The following NRG1 variants were observed in gnomAD, a reference collection of about 807,000 sequenced individuals.
NRG1 encodes neuregulin 1.
In NRG1, 18 loss-of-function variants were observed where a neutral mutation model predicts 63.8. That is an observed-to-expected ratio of 0.28 (90% CI 0.19 to 0.42). The LOEUF is 0.42. Ranked by LOEUF, NRG1 falls within the 10% of genes least tolerant of loss-of-function variation. The pLI is 1.00. For synonymous variants in NRG1, 302 were observed against 301.3 expected (o/e 1.00, Z -0.02); for missense variants, 762 against 814.7 (o/e 0.94, Z 0.79).
intron 1 of NRG1, among the ~76,000 whole-genome samples, chr8:32,413,354 G>A (rs907663664): frequency 6.6e-6 from 1 of 152,094 alleles, no homozygotes; most frequent in African/African-American, 2.4e-5. Context: ...AGAGTAAAAG[G>A]CCTGTTACAA....
chr8:31,876,103 A>G (rs1829898724), intron 1 of NRG1, among the ~76,000 whole-genome samples: 2 of 152,228 alleles, frequency 1.3e-5, no homozygotes, highest in Admixed American at 1.3e-4. Flanking sequence ...AAGCATCTAG[A>G]GCTAGGACCA....
intron 1 of NRG1, among the ~76,000 whole-genome samples, chr8:31,878,118 G>A (rs944273102): frequency 1.5e-4 from 23 of 152,118 alleles, no homozygotes; most frequent in East Asian, 7.7e-4. Flanking sequence ...AGTACAAACC[G>A]TCAGTCTGCA....
At chr8:31,867,191 C>T (rs1829036975) in intron 1 of NRG1, among the ~76,000 whole-genome samples, 1 of 152,030 alleles carries the variant, frequency 6.6e-6, no homozygotes, top group African/African-American at 2.4e-5. Flanking sequence ...CTCAGAACTG[C>T]CTGGGGGAAA....
chr8:31,884,415 A>G (rs187329605), intron 1 of NRG1, among the ~76,000 whole-genome samples: 1 of 152,254 alleles, frequency 6.6e-6, no homozygotes, highest in East Asian at 1.9e-4. Flanking sequence ...AGCAGGCCTC[A>G]GAGGGGTCAA....
intron 1 of NRG1, among the ~76,000 whole-genome samples, chr8:31,705,843 A>G (rs1811095344): frequency 6.6e-6 from 1 of 152,246 alleles, no homozygotes; most frequent in African/African-American, 2.4e-5. Context: ...TCCTGCTTAA[A>G]AAAGGAGGTA....
At chr8:31,886,458 A>AATAAGGAAACTATGAAAACAGT (rs1429892923) in intron 1 of NRG1, among the ~76,000 whole-genome samples, 1 of 152,284 alleles carries the variant, frequency 6.6e-6, no homozygotes, top group East Asian at 1.9e-4. Flanking sequence ...TTTTGAGAAA[A>AATAAGGAAACTATGAAAACAGT]ATAAGGAAAC....
At chr8:31,683,661 C>A (rs1488811295) in intron 1 of NRG1, among the ~76,000 whole-genome samples, 1 of 151,916 alleles carries the variant, frequency 6.6e-6, no homozygotes, top group Admixed American at 6.6e-5. Context: ...AATGTACAGC[C>A]CTGAGAGTGA....
At chr8:32,170,696 A>G (rs1280798547) in intron 1 of NRG1, among the ~76,000 whole-genome samples, 1 of 152,214 alleles carries the variant, frequency 6.6e-6, no homozygotes, top group Non-Finnish European at 1.5e-5. Flanking sequence ...ACTTAGGGAT[A>G]GGTTGATGGC....
At chr8:32,738,178 G>A (rs17731972) in intron 6 of NRG1, among the ~76,000 whole-genome samples, 12,018 of 152,104 alleles carry the variant, frequency 0.079, 649 homozygotes, top group Admixed American at 0.095. Flanking sequence ...TAAGTGCAGT[G>A]AAAGAGGTCA....
intron 5 of NRG1, among the ~76,000 whole-genome samples, chr8:32,715,832 TG>T (rs1819071081): frequency 6.6e-6 from 1 of 152,036 alleles, no homozygotes; most frequent in East Asian, 1.9e-4. Context: ...TTAGTAGAGA[TG>T]GGGTTTTGCA....
chr8:32,724,046 G>A (rs193011387), intron 5 of NRG1, among the ~76,000 whole-genome samples: 9 of 152,302 alleles, frequency 5.9e-5, no homozygotes, highest in Non-Finnish European at 1.0e-4. Flanking sequence ...GGCCAAAACC[G>A]TAATTACTTT....
intron 1 of NRG1, among the ~76,000 whole-genome samples, chr8:31,803,025 T>C (rs1374472259): frequency 1.3e-5 from 2 of 152,186 alleles, no homozygotes; most frequent in African/African-American, 4.8e-5. Flanking sequence ...CTGGTATTGC[T>C]CACATATCAC....
intron 1 of NRG1, among the ~76,000 whole-genome samples, chr8:31,945,028 A>G (rs1405183036): frequency 6.6e-6 from 1 of 152,168 alleles, no homozygotes; most frequent in Non-Finnish European, 1.5e-5. Flanking sequence ...TTTTCCAGGA[A>G]TGATTTACAT....
chr8:31,667,036 C>T (rs754229530), intron 1 of NRG1, among the ~76,000 whole-genome samples: 10 of 152,150 alleles, frequency 6.6e-5, no homozygotes, highest in African/African-American at 1.2e-4. Flanking sequence ...CAGTGGAGAG[C>T]AGGCTGTCCG....
chr8:32,578,932 G>C (rs1840149704), intron 1 of NRG1, among the ~76,000 whole-genome samples: 1 of 152,130 alleles, frequency 6.6e-6, no homozygotes, highest in African/African-American at 2.4e-5. Flanking sequence ...ATGTTAATCT[G>C]TAAAGGCTTG....
At position 32,254,124 on chromosome 8, in the gene NRG1, T is replaced by G. The variant is rs187807590; in HGVS notation, c.38-341704T>G. Among the ~76,000 whole-genome samples, 553 of 152,252 alleles carry G rather than the reference T, an allele frequency of 3.6e-3. 2 individuals are homozygous for G. The highest frequency in any genetic ancestry group is 0.01 in the Middle Eastern group (3 of 294). ...GGCTAGTGGTCTATCTATTTTTTAATCTTTTCAAAAAACCAGCTCTTGGAT... is the reference window on the plus strand; with the variant it reads ...GGCTAGTGGTCTATCTATTTTTTAAGCTTTTCAAAAAACCAGCTCTTGGAT... On this transcript the variant is annotated intron_variant, in intron 1 of 10. Coordinates refer to the NRG1 transcript ENST00000519301.
In NRG1 at chr8:32,595,822, T is replaced by C; in HGVS notation, c.101-6T>C. The C allele has an allele frequency of 6.2e-7, 1 of 1,603,870 alleles. No homozygotes were observed. Among genetic ancestry groups the C allele is most frequent in the South Asian group, 1.1e-5 (1 of 89,550 alleles). On this transcript the variant is annotated splice_region_variant and splice_polypyrimidine_tract_variant and intron_variant, in intron 1 of 11. Coordinates refer to ENST00000356819, the Ensembl canonical transcript of NRG1. ...AGTTGTTTTTCATTCTCTTTTCTTC[T>C]TTTAGCCTTGCCTCCCCGATTGAAA...
chr8:32,260,276 C>G (rs1200924587), intron 1 of NRG1, among the ~76,000 whole-genome samples: 3 of 152,222 alleles, frequency 2.0e-5, no homozygotes, highest in African/African-American at 7.2e-5. Flanking sequence ...GGCAGAAGTC[C>G]TTTGGAAAAA....
At chr8:32,212,385 G>A (rs577820797) in intron 1 of NRG1, among the ~76,000 whole-genome samples, 2 of 152,246 alleles carry the variant, frequency 1.3e-5, no homozygotes, top group South Asian at 4.1e-4. Context: ...GTTCATGGCA[G>A]CATTGTCAAC....
Sources: gnomAD v4.1 joint callset for allele counts (sites outside exome capture counted in the v4.1 genomes callset) on GRCh38, gnomAD v4.1.1 for gene constraint, MANE v1.5 for transcripts, NCBI Gene and HGNC (gene_info 2026-07-23, HGNC 2026-07-21) for gene names.